Variants in FTO observed in about 807,000 individuals in gnomAD.
FTO encodes the protein alpha-ketoglutarate-dependent dioxygenase FTO.
Under a neutral mutation model 63.9 loss-of-function variants are expected in FTO, and 47 were observed. That is an observed-to-expected ratio of 0.74 (90% CI 0.58 to 0.94). The LOEUF (loss-of-function observed/expected upper bound fraction) is 0.94. Among genes scored for constraint, FTO ranks in the 40% least tolerant of loss-of-function variants. FTO has a pLI of 0.00. For synonymous variants in FTO, 207 were observed against 224.4 expected (o/e 0.92, Z 0.69); for missense variants, 562 against 618.1 (o/e 0.91, Z 0.96).
At chr16:53,747,778 C>G (rs918355019) in intron 1 of FTO, among the ~76,000 whole-genome samples, 3 of 151,984 alleles carry the variant, frequency 2.0e-5, no homozygotes, top group Non-Finnish European at 4.4e-5. Context: ...ATGTTGTCTT[C>G]TAGTAGTTTT....
At chr16:53,764,447 T>C (rs867544344) in intron 1 of FTO, among the ~76,000 whole-genome samples, 33 of 132,080 alleles carry the variant, frequency 2.5e-4, no homozygotes, top group South Asian at 7.0e-4. Context: ...CTGGCTAACA[T>C]GGTGAAACCC....
At chr16:53,902,634 C>G (rs548026722) in intron 7 of FTO, among the ~76,000 whole-genome samples, 2 of 152,310 alleles carry the variant, frequency 1.3e-5, no homozygotes, top group South Asian at 4.1e-4. Context: ...TCCTCCTTCT[C>G]TGGCAGCATC....
At chr16:54,064,625 G>A (rs915364964) in intron 8 of FTO, among the ~76,000 whole-genome samples, 1 of 152,174 alleles carries the variant, frequency 6.6e-6, no homozygotes, top group Non-Finnish European at 1.5e-5. Flanking sequence ...GAATGGGGCA[G>A]GGAGAGACCA....
intron 3 of FTO, among the ~76,000 whole-genome samples, chr16:53,832,631 G>GT (rs528491462): frequency 2.6e-5 from 4 of 152,054 alleles, no homozygotes; most frequent in African/African-American, 4.8e-5. Context: ...TATGTGCACG[G>GT]TTTTTTTGTC....
At chr16:53,871,584 T>G (rs1349445180) in intron 4 of FTO, among the ~76,000 whole-genome samples, 1 of 152,214 alleles carries the variant, frequency 6.6e-6, no homozygotes, top group Non-Finnish European at 1.5e-5. Context: ...TGTGTGTATG[T>G]ATCTTTCATT....
At chr16:53,906,635 T>A (rs1375624779) in intron 7 of FTO, among the ~76,000 whole-genome samples, 1 of 152,218 alleles carries the variant, frequency 6.6e-6, no homozygotes, top group African/African-American at 2.4e-5. Flanking sequence ...CATTTTGAGT[T>A]GATTCTTATA....
intron 1 of FTO, among the ~76,000 whole-genome samples, chr16:53,710,462 A>C (rs2075741605): frequency 6.6e-6 from 1 of 151,890 alleles, no homozygotes; most frequent in Admixed American, 6.6e-5. Context: ...GATGGGTTTC[A>C]CCATGTTGGC....
chr16:53,839,810 TATTTA>T (rs749668286), intron 3 of FTO, among the ~76,000 whole-genome samples: 42 of 116,460 alleles, frequency 3.6e-4, no homozygotes, highest in Non-Finnish European at 5.3e-4. Context: ...TTTATTTATT[TATTTA>T]TTTATTTTAA....
chr16:53,832,509 C>T (rs1417302415), intron 3 of FTO, among the ~76,000 whole-genome samples: 6 of 152,102 alleles, frequency 3.9e-5, no homozygotes, highest in Non-Finnish European at 7.4e-5. Context: ...CCTCCTTGCT[C>T]AGCCTCCCAA....
At chr16:53,804,945 A>G (rs2078324160) in intron 1 of FTO, among the ~76,000 whole-genome samples, 2 of 151,952 alleles carry the variant, frequency 1.3e-5, no homozygotes, top group South Asian at 4.2e-4. Flanking sequence ...TAGTTTAGAT[A>G]TGTCTTCCTT....
rs36221204 is a variant in FTO at position 54,065,098 on chromosome 16, C to CATTTTATTTTATTTTATTTTATTTT, written c.1365-46629_1365-46605dup. The stretch of plus-strand genomic sequence containing the variant: ...TGGGGACAGCTGAGTGTTAGCATAA[C>CATTTTATTTTATTTTATTTTATTTT]ATTTTATTTTATTTTATTTTATTTT... On this transcript the variant is annotated intron_variant, in intron 8 of 8. Transcript: ENST00000471389. Among the ~76,000 whole-genome samples the CATTTTATTTTATTTTATTTTATTTT allele has an allele frequency of 5.1e-4, 63 of 122,466 alleles. 1 individual carries two copies. Among genetic ancestry groups the CATTTTATTTTATTTTATTTTATTTT allele is most frequent in the South Asian group, 1.4e-3 (5 of 3,518 alleles). 80.3% of individuals were successfully genotyped at this position (122,466 alleles called of 152,430 possible).
chr16:53,911,138 A>G (rs989894299), intron 7 of FTO: 3 of 491,094 alleles, frequency 6.1e-6, no homozygotes, highest in South Asian at 3.4e-5. Flanking sequence ...TTTCATGCCT[A>G]TCATGTGCCA....
At chr16:53,944,638 T>C (rs1486757056) in intron 8 of FTO, among the ~76,000 whole-genome samples, 6 of 152,236 alleles carry the variant, frequency 3.9e-5, no homozygotes, top group Admixed American at 1.3e-4. Flanking sequence ...AATTGTGGAT[T>C]GTAACTAGAT....
rs141378726 is a variant in FTO at position 54,091,396 on chromosome 16, C to T, written c.1365-20366C>T. ...CTGTCTCTACAAAAATAAAATAAGC[C>T]GGAAATGGTGGTGAACACCTGTAGT... On this transcript the variant is annotated intron_variant, in intron 8 of 8. Coordinates refer to ENST00000471389, the MANE Select transcript of FTO (RefSeq NM_001080432.3). Among the ~76,000 whole-genome samples the T allele has an allele frequency of 5.2e-3, 791 of 152,060 alleles. 3 individuals carry two copies. Among genetic ancestry groups the T allele is most frequent in the African/African-American group, 0.018 (755 of 41,474 alleles).
At chr16:53,903,998 A>G (rs2081471518) in intron 7 of FTO, among the ~76,000 whole-genome samples, 1 of 151,758 alleles carries the variant, frequency 6.6e-6, no homozygotes, top group Non-Finnish European at 1.5e-5. Flanking sequence ...TTACATATAG[A>G]TTAGTTTATT....
chr16:54,005,084 A>AG lies in FTO; in HGVS notation c.1364+70975_1364+70976insG, dbSNP rs1188733356. Among the ~76,000 whole-genome samples the AG allele has an allele frequency of 5.2e-3, 781 of 149,288 alleles. 7 individuals are homozygous for AG. Among genetic ancestry groups the AG allele is most frequent in the African/African-American group, 0.018 (728 of 40,632 alleles). ...GGCTCCGTCTAAAAAAAAAAAAAAA[A>AG]AAAAAGAAACAAATTCATTGGAGTA... On this transcript the variant is annotated intron_variant, in intron 8 of 8. Coordinates refer to ENST00000471389, the MANE Select transcript of FTO (RefSeq NM_001080432.3).
chr16:54,021,250 TA>T (rs2144148057), intron 8 of FTO, among the ~76,000 whole-genome samples: 1 of 152,246 alleles, frequency 6.6e-6, no homozygotes, highest in Admixed American at 6.5e-5. Context: ...CTTAAAACAA[TA>T]GGTGATGGGG....
chr16:53,896,021 C>T (rs1479295510), intron 7 of FTO, among the ~76,000 whole-genome samples: 1 of 152,186 alleles, frequency 6.6e-6, no homozygotes, highest in Admixed American at 6.5e-5. Flanking sequence ...CACATACACA[C>T]ATTTCACACA....
chr16:54,059,835 C>G (rs2085527562), intron 8 of FTO, among the ~76,000 whole-genome samples: 1 of 152,126 alleles, frequency 6.6e-6, no homozygotes, highest in African/African-American at 2.4e-5. Context: ...ATTACTAGTA[C>G]TAATGAGCAT....
Sources: gnomAD v4.1 joint callset for allele counts (sites outside exome capture counted in the v4.1 genomes callset) on GRCh38, gnomAD v4.1.1 for gene constraint, MANE v1.5 for transcripts, NCBI Gene and HGNC (gene_info 2026-07-23, HGNC 2026-07-21) for gene names.